IL1RN: variants seen among roughly 807,000 people sequenced by gnomAD.
IL1RN encodes the protein interleukin-1 receptor antagonist protein.
Under a neutral mutation model 13.7 loss-of-function variants are expected in IL1RN, and 10 were observed. That is an observed-to-expected ratio of 0.73 (90% CI 0.45 to 1.24). IL1RN has a LOEUF of 1.24. Among genes scored for constraint, IL1RN ranks in the 50% most tolerant of loss-of-function variants. The pLI, the probability that IL1RN is intolerant of heterozygous loss-of-function variation, is 0.00. For missense variants in IL1RN, 213 were observed against 222.1 expected (o/e 0.96, Z 0.26); for synonymous variants, 102 against 82.7 (o/e 1.23, Z -1.27).
At chr2:113,110,103 G>T (rs1686470027), upstream of IL1RN, among the ~76,000 whole-genome samples, 3 of 152,162 alleles carry the variant, frequency 2.0e-5, no homozygotes, top group Admixed American at 2.0e-4. Context: ...GGAGACTTAT[G>T]TGGTTGCAGA....
chr2:113,117,656 C>A (rs1002591160), upstream of IL1RN: 1 of 429,810 alleles, frequency 2.3e-6, no homozygotes, highest in South Asian at 3.2e-5. Context: ...TGGCGGCAGT[C>A]GGGGTTGGGG....
intron 1 of IL1RN, 25 bp from the exon 2 acceptor site, chr2:113,129,551 A>T: frequency 6.9e-7 from 1 of 1,448,484 alleles, no homozygotes; most frequent in Non-Finnish European, 9.7e-7. Context: ...GCTGTGCACT[A>T]CAGCTGAGTC....
chr2:113,109,411 T>TAAAAAA (rs35727625), upstream of IL1RN, among the ~76,000 whole-genome samples: 1 of 133,102 alleles, frequency 7.5e-6, no homozygotes. Context: ...AAACGCCATC[T>TAAAAAA]AAAAAAAAAA....
At chr2:113,101,518 A>G in the IL1RN span, among the ~76,000 whole-genome samples, 1 of 152,156 alleles carries the variant, frequency 6.6e-6, no homozygotes, top group Middle Eastern at 3.2e-3. Context: ...CCATTTTTAC[A>G]TTTCCTCTCC....
upstream of IL1RN, among the ~76,000 whole-genome samples, chr2:113,105,329 C>T (rs1269096216): frequency 1.3e-5 from 2 of 152,150 alleles, no homozygotes; most frequent in Non-Finnish European, 2.9e-5. Context: ...AGTACTAGGG[C>T]CATGGTGATT....
At chr2:113,099,983 C>A in the IL1RN span, among the ~76,000 whole-genome samples, 1 of 140,060 alleles carries the variant, frequency 7.1e-6, no homozygotes, top group East Asian at 2.2e-4. Flanking sequence ...ATCCGCCCGC[C>A]TCGGCCTCCC....
chr2:113,118,017 C>T (rs199576628), exon 1 of IL1RN: 2 of 1,585,834 alleles, frequency 1.3e-6, no homozygotes, highest in East Asian at 2.2e-5. Flanking sequence ...GAGGCCCTCC[C>T]CATGGCTTTA....
intron 2 of IL1RN, chr2:113,121,453 T>C: frequency 1.0e-6 from 1 of 985,336 alleles, no homozygotes; most frequent in Non-Finnish European, 1.2e-6. Context: ...TGCAGGGGGA[T>C]TATAAAACTA....
chr2:113,110,884 G>A (rs971215949), upstream of IL1RN, among the ~76,000 whole-genome samples: 3 of 152,108 alleles, frequency 2.0e-5, no homozygotes, highest in African/African-American at 7.2e-5. Context: ...ATACTAAATC[G>A]ATGTGTTGGA....
Position 113,131,111 on chromosome 2 carries a change from G to A in IL1RN, c.272G>A (p.Cys91Tyr). Residue 91 changes from cysteine (C) to tyrosine (Y), a missense_variant, in exon 3 of 4, where the codon TGC becomes TAC. Cys to Tyr is a radical substitution (Grantham distance 194). Transcript: ENST00000409930. ...LFLGIHGGKM[C>Y]LSCVKSGDET... is the part of the protein sequence containing the mutation. ...TTGGGAATCCATGGAGGGAAGATGTGCCTGTCCTGTGTCAAGTCTGGTGAT... is the reference window on the plus strand; with the variant it reads ...TTGGGAATCCATGGAGGGAAGATGTACCTGTCCTGTGTCAAGTCTGGTGAT... 1 of 1,613,768 alleles carries A rather than the reference G, an allele frequency of 6.2e-7. No individual in the cohort carries two copies. Among genetic ancestry groups the A allele is most frequent in the Non-Finnish European group, 8.5e-7 (1 of 1,179,614 alleles).
intron 2 of IL1RN, among the ~76,000 whole-genome samples, chr2:113,122,108 A>G (rs1686799630): frequency 6.6e-6 from 1 of 152,212 alleles, no homozygotes; most frequent in Admixed American, 6.5e-5. Context: ...AAGCCACTAA[A>G]TGTGAGATGA....
the IL1RN span, among the ~76,000 whole-genome samples, chr2:113,101,995 G>A: frequency 7.2e-5 from 11 of 152,084 alleles, no homozygotes; most frequent in African/African-American, 1.9e-4. Flanking sequence ...TCGAACTCCC[G>A]AACTCAGGTG....
chr2:113,108,211 G>A (rs186355310), upstream of IL1RN, among the ~76,000 whole-genome samples: 9 of 152,088 alleles, frequency 5.9e-5, no homozygotes, highest in African/African-American at 2.2e-4. Context: ...AGCTAACAGT[G>A]GCAGTCGAGT....
At chr2:113,117,749 G>A, upstream of IL1RN, 1 of 587,218 alleles carries the variant, frequency 1.7e-6, no homozygotes. Flanking sequence ...CTGCTAGCCT[G>A]AGTCACCCTC....
upstream of IL1RN, among the ~76,000 whole-genome samples, chr2:113,105,783 G>T (rs1361645707): frequency 6.6e-6 from 1 of 152,118 alleles, no homozygotes; most frequent in East Asian, 1.9e-4. Context: ...ACACATTGAG[G>T]TTACCTCTAA....
upstream of IL1RN, among the ~76,000 whole-genome samples, chr2:113,116,865 T>C (rs375284291): frequency 7.8e-4 from 119 of 152,330 alleles, no homozygotes; most frequent in South Asian, 0.024. Flanking sequence ...CGGTGAGCCC[T>C]AAGTCTAAGA....
At chr2:113,101,082 A>C in the IL1RN span, among the ~76,000 whole-genome samples, 4 of 152,246 alleles carry the variant, frequency 2.6e-5, no homozygotes, top group African/African-American at 9.6e-5. Flanking sequence ...AAGGGAATTA[A>C]AAAGGACTTT....
intron 3 of IL1RN, 65 bp from the exon 4 acceptor site, chr2:113,132,591 G>A: frequency 1.4e-6 from 2 of 1,427,872 alleles, no homozygotes; most frequent in Non-Finnish European, 9.9e-7. Context: ...GGCGTGGAGT[G>A]GAGAGGGAGG....
At chr2:113,126,739 C>T (rs1317969309), upstream of IL1RN, among the ~76,000 whole-genome samples, 1 of 152,064 alleles carries the variant, frequency 6.6e-6, no homozygotes, top group African/African-American at 2.4e-5. Context: ...CATGATCACC[C>T]TCATTCTGAG....
Sources: allele counts gnomAD v4.1 joint callset (sites outside exome capture counted in the v4.1 genomes callset), GRCh38; gene constraint gnomAD v4.1.1; transcripts MANE v1.5; gene names NCBI Gene and HGNC (gene_info 2026-07-23, HGNC 2026-07-21).